The following ERC2 variants were observed in gnomAD, a reference collection of about 807,000 sequenced individuals.
The protein encoded by ERC2 is ERC protein 2.
In ERC2, 42 loss-of-function variants were observed where a neutral mutation model predicts 114.8. The ratio of observed to expected loss-of-function variants is 0.37; its 90% CI spans 0.29 to 0.47. The LOEUF (loss-of-function observed/expected upper bound fraction) is 0.47. ERC2 is among the 20% of genes least tolerant of loss of function. The probability of loss-of-function intolerance (pLI) is 0.99; values close to 1 mark genes in which losing one functional copy is unlikely to be tolerated. For synonymous variants in ERC2, 454 were observed against 425.5 expected, an observed-to-expected ratio of 1.07 and a Z score of -0.82; for missense variants, 939 against 1,150.7, an observed-to-expected ratio of 0.82 and a Z score of 2.66.
At chr3:55,605,102 A>ATT (rs112258912) in intron 17 of ERC2, among the ~76,000 whole-genome samples, 1 of 145,472 alleles carries the variant, frequency 6.9e-6, no homozygotes, top group East Asian at 2.0e-4. Flanking sequence ...AAACATGCAA[A>ATT]TTTTTTTTTT....
At chr3:55,796,965 G>T (rs948749973) in intron 14 of ERC2, among the ~76,000 whole-genome samples, 2 of 152,144 alleles carry the variant, frequency 1.3e-5, no homozygotes, top group African/African-American at 4.8e-5. Flanking sequence ...CAAGTAACAG[G>T]CTTTAATTCA....
chr3:55,733,517 CTGTCTCTCATTCTT>C (rs2065410070), intron 15 of ERC2, among the ~76,000 whole-genome samples: 5 of 98,992 alleles, frequency 5.1e-5, no homozygotes, highest in African/African-American at 1.6e-4. Context: ...CTCATTCTCT[CTGTCTCTCATTCTT>C]TCTCTCTCTC....
intron 17 of ERC2, among the ~76,000 whole-genome samples, chr3:55,552,853 C>T (rs2055313126): frequency 1.3e-5 from 2 of 151,510 alleles, no homozygotes; most frequent in South Asian, 4.2e-4. Context: ...AAAATTGTCC[C>T]AGTGGATTTA....
intron 1 of ERC2, 139 bp from the exon 2 acceptor site, chr3:56,435,286 A>C: frequency 7.5e-6 from 2 of 265,862 alleles, no homozygotes; most frequent in South Asian, 8.4e-5. Flanking sequence ...AAAGAGCCAC[A>C]CCCATAATGT....
At chr3:56,171,111 T>C (rs13091032) in intron 4 of ERC2, among the ~76,000 whole-genome samples, 139,172 of 152,206 alleles carry the variant, frequency 0.91, 64,071 homozygotes, top group East Asian at 1. Context: ...CTAGATGACA[T>C]TGATGTTTAC....
chr3:55,719,823 C>A (rs1160432242), intron 15 of ERC2, among the ~76,000 whole-genome samples: 1 of 152,084 alleles, frequency 6.6e-6, no homozygotes, highest in African/African-American at 2.4e-5. Flanking sequence ...CCTCAGAAGA[C>A]CCTGGCCCCA....
chr3:56,149,551 C>A (rs2149951315), intron 4 of ERC2, among the ~76,000 whole-genome samples: 1 of 152,162 alleles, frequency 6.6e-6, no homozygotes, highest in East Asian at 1.9e-4. Flanking sequence ...TATTTTATGG[C>A]TGGTTTTATA....
chr3:55,542,247 C>T (rs750162191), intron 17 of ERC2, among the ~76,000 whole-genome samples: 17 of 152,282 alleles, frequency 1.1e-4, no homozygotes, highest in Non-Finnish European at 2.2e-4. Flanking sequence ...CCACGTTAAT[C>T]CCCCAATGCT....
chr3:55,509,352 TC>T lies in ERC2; in HGVS notation c.*1963del, dbSNP rs1446102386. 4.6e-5 allele frequency: 7 copies of T among 152,718 alleles called. No individual in the cohort carries two copies. In the East Asian group the frequency reaches 1.4e-3, roughly 29 times the overall value. 9.5% of individuals were successfully genotyped at this position (152,718 alleles called of 1,614,324 possible). On this transcript the variant is annotated 3_prime_UTR_variant, in exon 18 of 18. Coordinates refer to ENST00000288221, the MANE Select transcript of ERC2 (RefSeq NM_015576.3). ...GTTGTAGGAGGCAGTGAGAACCACTTCTTTGAGGACATCCAAACTGTTCACT... is the reference window on the plus strand; with the variant it reads ...GTTGTAGGAGGCAGTGAGAACCACTTTTTGAGGACATCCAAACTGTTCACT...
chr3:56,165,327 T>A (rs12491217), intron 4 of ERC2, among the ~76,000 whole-genome samples: 12,263 of 151,988 alleles, frequency 0.081, 674 homozygotes, highest in Admixed American at 0.15. Context: ...TAGCTTTTTT[T>A]TTATTATTAT....
At chr3:55,942,540 G>A (rs1479681985) in intron 13 of ERC2, among the ~76,000 whole-genome samples, 3 of 150,164 alleles carry the variant, frequency 2.0e-5, no homozygotes, top group Non-Finnish European at 3.0e-5. Flanking sequence ...CTCGTGATCC[G>A]CCCGCCTCGG....
chr3:56,375,622 C>T (rs572418708), intron 2 of ERC2, among the ~76,000 whole-genome samples: 11 of 152,080 alleles, frequency 7.2e-5, no homozygotes, highest in South Asian at 2.1e-4. Flanking sequence ...GAACATACAA[C>T]GATGAAACAC....
intron 4 of ERC2, among the ~76,000 whole-genome samples, chr3:56,169,169 C>A (rs1349922237): frequency 1.3e-5 from 2 of 151,800 alleles, no homozygotes; most frequent in Non-Finnish European, 2.9e-5. Context: ...TTTACTAAAA[C>A]CCTTACTAAA....
At chr3:55,665,471 TC>T (rs2061322979) in intron 17 of ERC2, among the ~76,000 whole-genome samples, 1 of 152,164 alleles carries the variant, frequency 6.6e-6, no homozygotes, top group Non-Finnish European at 1.5e-5. Flanking sequence ...TGGATCCTGA[TC>T]TTAGGTGACT....
In ERC2 at chr3:55,900,301, T is replaced by A. The variant is rs114944089; in HGVS notation, c.2404-11752A>T. The stretch of plus-strand genomic sequence containing the variant: ...TTGTTTGGTGCTTTGTTTAGTATTG[T>A]CCGATTTTGTTATTATAATTTTGTT... On this transcript the variant is annotated intron_variant, in intron 13 of 17. Transcript: ENST00000288221. Among the ~76,000 whole-genome samples, 1,142 of 152,338 alleles carry A rather than the reference T, an allele frequency of 7.5e-3. 17 individuals are homozygous for A. The highest frequency in any genetic ancestry group is 0.026 in the African/African-American group (1,084 of 41,570).
At chr3:56,423,537 G>A (rs555044072) in intron 2 of ERC2, among the ~76,000 whole-genome samples, 3 of 152,336 alleles carry the variant, frequency 2.0e-5, no homozygotes, top group Non-Finnish European at 4.4e-5. Flanking sequence ...CTTTATCAAC[G>A]TATGGAGACA....
rs2064748319 is a variant in ERC2, at chr3:55,723,976, TATG to T, written c.2712+10792_2712+10794del. On this transcript the variant is annotated intron_variant, in intron 15 of 17. Transcript: ENST00000288221. Reference sequence around the variant, plus strand: ...GACAGGCTGAAAGGACTTTTAATTATATGATGAGAGGAAGGAACGGAGGGAGAG... The same window carrying T: ...GACAGGCTGAAAGGACTTTTAATTATATGAGAGGAAGGAACGGAGGGAGAG... Among the ~76,000 whole-genome samples, 5 of 152,116 alleles carry T rather than the reference TATG, an allele frequency of 3.3e-5. No individual in the cohort carries two copies. In the South Asian group the frequency reaches 1.0e-3, roughly 32 times the overall value.
At chr3:55,531,762 T>A (rs1453480380) in intron 17 of ERC2, among the ~76,000 whole-genome samples, 2 of 152,180 alleles carry the variant, frequency 1.3e-5, no homozygotes, top group African/African-American at 4.8e-5. Context: ...GCTGCCTTTG[T>A]CGAATGGTTT....
In ERC2 at chr3:56,150,105, A is replaced by G. The variant is rs115263246; in HGVS notation, c.1150-973T>C. On this transcript the variant is annotated intron_variant, in intron 4 of 17. Transcript: ENST00000288221. ...CCATCTGCCTGCCATTTTACTGCAC[A>G]GAGTTAAGGAGCTCATATTAAATGT... 4.6e-3 allele frequency among the ~76,000 whole-genome samples: 698 copies of G among 152,346 alleles called. 4 individuals carry two copies. Among genetic ancestry groups the G allele is most frequent in the African/African-American group, 0.016 (668 of 41,588 alleles).
Sources: gnomAD v4.1 joint callset for allele counts (sites outside exome capture counted in the v4.1 genomes callset) on GRCh38, gnomAD v4.1.1 for gene constraint, MANE v1.5 for transcripts, NCBI Gene and HGNC (gene_info 2026-07-23, HGNC 2026-07-21) for gene names.